AP2A2: variants seen among roughly 807,000 people sequenced by gnomAD.
AP2A2 encodes AP-2 complex subunit alpha-2.
AP2A2 carries 32 observed loss-of-function variants against 104.2 expected under a neutral mutation model. The observed-to-expected ratio is 0.31, with a 90% CI of 0.23 to 0.41. The LOEUF (loss-of-function observed/expected upper bound fraction) is 0.41, where lower values mean the gene tolerates loss of function less well. AP2A2 is among the 10% of genes least tolerant of loss of function. The pLI is 1.00. For missense variants in AP2A2, 912 were observed against 1,261.0 expected (o/e 0.72, Z 4.19); for synonymous variants, 539 against 533.3 (o/e 1.01, Z -0.15).
chr11:932,786 C>G, intron 1 of AP2A2: 1 of 456,002 alleles, frequency 2.2e-6, no homozygotes, highest in Non-Finnish European at 4.4e-6. Context: ...AGGTCAGGAT[C>G]ACTTTCTTTT....
chr11:953,121 G>A (rs1854106292), intron 1 of AP2A2, among the ~76,000 whole-genome samples: 1 of 152,196 alleles, frequency 6.6e-6, no homozygotes, highest in Non-Finnish European at 1.5e-5. Context: ...CTTGCCTGCA[G>A]GTCATCATCC....
rs1564807081 is a variant in AP2A2 at position 981,436 on chromosome 11, G to C, written c.705+137G>C. ...GAAAACCAACTTGGCTTCTCTGTCA[G>C]CCTTCTTGTTGAGAACTGTCCTGTC... On this transcript the variant is annotated intron_variant, in intron 6 of 21. Transcript: ENST00000448903. 7 of 723,124 alleles carry C rather than the reference G, an allele frequency of 9.7e-6. No individual in the cohort carries two copies. In the Admixed American group the frequency reaches 1.2e-4, roughly 13 times the overall value. 44.8% of individuals were successfully genotyped at this position (723,124 alleles called of 1,614,324 possible).
At chr11:965,864 A>AG (rs1220781733) in intron 2 of AP2A2, among the ~76,000 whole-genome samples, 1 of 152,198 alleles carries the variant, frequency 6.6e-6, no homozygotes, top group Non-Finnish European at 1.5e-5. Flanking sequence ...TTAAAGAGAC[A>AG]GGGTCTTGTT....
intron 2 of AP2A2, among the ~76,000 whole-genome samples, chr11:965,841 G>T (rs1854596645): frequency 6.6e-6 from 1 of 152,206 alleles, no homozygotes; most frequent in South Asian, 2.1e-4. Flanking sequence ...AGACATGGTA[G>T]TTTCTTTCTT....
At chr11:975,635 G>A (rs992002383) in intron 4 of AP2A2, among the ~76,000 whole-genome samples, 1 of 149,612 alleles carries the variant, frequency 6.7e-6, no homozygotes, top group Admixed American at 6.6e-5. Context: ...GGAGAGTAGC[G>A]GTGGGGTCCT....
At chr11:960,527 T>G (rs1854396455) in intron 2 of AP2A2, among the ~76,000 whole-genome samples, 1 of 152,150 alleles carries the variant, frequency 6.6e-6, no homozygotes, top group African/African-American at 2.4e-5. Context: ...CATGAGCCAC[T>G]GTGCCCGGCC....
At chr11:991,205 C>T (rs907497728) in intron 10 of AP2A2, among the ~76,000 whole-genome samples, 2 of 152,250 alleles carry the variant, frequency 1.3e-5, no homozygotes, top group South Asian at 2.1e-4. Context: ...CATGGCAGGG[C>T]GTGTTCTCTG....
chr11:984,723 C>G lies in AP2A2; in HGVS notation c.784C>G (p.Leu262Val). 6.2e-7 allele frequency: 1 copy of G among 1,613,184 alleles called. No individual in the cohort carries two copies. The highest frequency in any genetic ancestry group is 2.2e-5 in the East Asian group (1 of 44,882). ...VPAPWLSVKL[L>V]RLLQCYPPPD... The stretch of plus-strand genomic sequence containing the variant: ...GGCTCCCTGGCTGTCTGTCAAACTG[C>G]TGAGACTGCTGCAGTGCTACCCACC... Residue 262 changes from leucine to valine, a missense_variant, in exon 7 of 22, where the codon CTG (leucine) becomes GTG (valine). By Grantham distance (32) the Leu-to-Val change is conservative. This residue lies in a region of AP2A2 where 350 missense variants were observed against 487.0 expected (regional missense o/e 0.72). Coordinates refer to ENST00000448903, the MANE Select transcript of AP2A2 (RefSeq NM_012305.4).
chr11:986,603 T>TG (rs1855465273), intron 8 of AP2A2, among the ~76,000 whole-genome samples, 182 bp from the exon 9 acceptor site: 2 of 152,078 alleles, frequency 1.3e-5, no homozygotes, highest in African/African-American at 4.8e-5. Flanking sequence ...ATGTCAGGGG[T>TG]GGGGGTCGGG....
At chr11:962,638 C>G (rs1854480366) in intron 2 of AP2A2, among the ~76,000 whole-genome samples, 1 of 151,958 alleles carries the variant, frequency 6.6e-6, no homozygotes, top group Non-Finnish European at 1.5e-5. Context: ...GAGGCTGAGT[C>G]AGGAGAATCG....
At chr11:932,688 G>A (rs1853329281) in intron 1 of AP2A2, 1 of 456,170 alleles carries the variant, frequency 2.2e-6, no homozygotes, top group Non-Finnish European at 4.4e-6. Context: ...GTCCTTGCTC[G>A]GGTTGAATTT....
At chr11:986,649 C>T in intron 8 of AP2A2, 136 bp from the exon 9 acceptor site, 1 of 1,113,956 alleles carries the variant, frequency 9.0e-7, no homozygotes, top group Non-Finnish European at 1.3e-6. Context: ...CGAGTTCCCA[C>T]TTGAGCAGTG....
At chr11:931,861 C>G (rs949764260) in intron 1 of AP2A2, among the ~76,000 whole-genome samples, 2 of 147,278 alleles carry the variant, frequency 1.4e-5, no homozygotes, top group Admixed American at 1.4e-4. Flanking sequence ...TGGAGTGCAG[C>G]GGTGTGATCT....
chr11:988,529 T>C, intron 9 of AP2A2, 23 bp from the exon 10 acceptor site: 1 of 1,606,722 alleles, frequency 6.2e-7, no homozygotes, highest in Non-Finnish European at 8.5e-7. Flanking sequence ...CTGCGACCTC[T>C]TACTCTGTGC....
At chr11:934,235 G>GTTTGGGTCAGATCCTGATTCTACTCTCC (rs1853382721) in intron 1 of AP2A2, among the ~76,000 whole-genome samples, 1 of 152,102 alleles carries the variant, frequency 6.6e-6, no homozygotes, top group African/African-American at 2.4e-5. Context: ...CTAGCCGGGG[G>GTTTGGGTCAGATCCTGATTCTACTCTCC]TTTGGGTCAG....
chr11:930,069 T>C (rs1451636084), intron 1 of AP2A2, among the ~76,000 whole-genome samples: 4 of 140,448 alleles, frequency 2.8e-5, no homozygotes, highest in African/African-American at 1.1e-4. Flanking sequence ...TGCAGTGAGC[T>C]GAGATTGTGC....
In AP2A2 at chr11:1,011,442, G is replaced by A; in HGVS notation, c.*817G>A. On this transcript the variant is annotated 3_prime_UTR_variant, in exon 22 of 22. Transcript: ENST00000448903. The stretch of plus-strand genomic sequence containing the variant: ...TCCCCAGGCCACGGTGCAGGCCTGA[G>A]TCCTTCCACCGGCCCCGTCCAGTCG... 2.0e-6 allele frequency: 1 copy of A among 499,988 alleles called. No individual in the cohort carries two copies. The highest frequency in any genetic ancestry group is 1.4e-5 in the South Asian group (1 of 69,214). The allele number at this position is 499,988 out of a possible 1,614,324, so 31.0% of individuals were successfully genotyped here.
At position 992,429 on chromosome 11, in the gene AP2A2, A is replaced by G; in HGVS notation, c.1270-74A>G. 4.1e-6 allele frequency: 6 copies of G among 1,466,288 alleles called. No homozygotes were observed. The highest frequency in any genetic ancestry group is 4.7e-6 in the Non-Finnish European group (5 of 1,071,720). 90.8% of individuals were successfully genotyped at this position (1,466,288 alleles called of 1,614,324 possible). A position where few individuals can be genotyped will look rare whatever the true frequency, so the allele number is the denominator to read the frequency against. ...AGGTGCTTCTGAAACTCTCACTTTG[A>G]CTTTGGACGACAGTTTGGTCTTGGG... On this transcript the variant is annotated intron_variant, in intron 10 of 21. Transcript: ENST00000448903. This position sits in a 1 kb window ranked among gnomAD's most constrained non-coding sequence, Gnocchi z 6.4.
At chr11:960,864 G>T (rs769866805) in intron 2 of AP2A2, among the ~76,000 whole-genome samples, 5 of 152,046 alleles carry the variant, frequency 3.3e-5, no homozygotes, top group Non-Finnish European at 5.9e-5. Context: ...TCTCCATGTT[G>T]GTCAGGCTGG....
Sources: gnomAD v4.1 joint callset for allele counts (sites outside exome capture counted in the v4.1 genomes callset) on GRCh38, gnomAD v4.1.1 for gene constraint, gnomAD v4.1.1 regional missense constraint, Gnocchi (gnomAD v3.1) non-coding constraint, MANE v1.5 for transcripts, NCBI Gene and HGNC (gene_info 2026-07-23, HGNC 2026-07-21) for gene names.